Variants in DBT observed in about 807,000 individuals in gnomAD.
DBT encodes the protein dihydrolipoamide branched chain transacylase E2.
DBT carries 40 observed loss-of-function variants against 51.3 expected under a neutral mutation model. The ratio of observed to expected loss-of-function variants is 0.78; its 90% CI spans 0.61 to 1.02. The LOEUF is 1.02. Among genes scored for constraint, DBT ranks in the 50% least tolerant of loss-of-function variants. The pLI is 0.00. For synonymous variants in DBT, 181 were observed against 190.4 expected (o/e 0.95, Z 0.41); for missense variants, 510 against 580.2 (o/e 0.88, Z 1.24).
rs570526581 is a variant in DBT at position 100,227,393 on chromosome 1, A to C, written c.433+3340T>G. On this transcript the variant is annotated intron_variant, in intron 4 of 10. Transcript: ENST00000370132. ...TTCTTTCCAGTAAGAACTGTATTTCATACAGGTAGCATACAGATAGCCCCA... is the reference window on the plus strand; with the variant it reads ...TTCTTTCCAGTAAGAACTGTATTTCCTACAGGTAGCATACAGATAGCCCCA... 2.0e-5 allele frequency among the ~76,000 whole-genome samples: 3 copies of C among 152,172 alleles called. No homozygotes were observed. The South Asian group carries it at 6.2e-4, about 32-fold the overall frequency.
rs777868718 is a variant in DBT at position 100,206,543 on chromosome 1, C to T, written c.1111G>A (p.Ala371Thr). 7.5e-5 allele frequency: 121 copies of T among 1,611,476 alleles called. 1 individual carries two copies. The highest frequency in any genetic ancestry group is 6.8e-4 in the South Asian group (62 of 91,010). ...NVQICSIFDIATELNRLQKLG... is the reference protein window; with the variant it reads ...NVQICSIFDITTELNRLQKLG... The stretch of plus-strand genomic sequence containing the variant: ...TTCTGGAGGCGGTTCAGTTCAGTGG[C>T]GATGTCAAATATAGAGCAGATCTGA... The change falls in exon 9 of 11, where the codon GCC becomes ACC. Residue 371 changes from alanine to threonine, a missense_variant. Transcript: ENST00000370132.
intron 1 of DBT, among the ~76,000 whole-genome samples, chr1:100,246,248 C>G (rs768784428): frequency 1.3e-5 from 2 of 151,880 alleles, no homozygotes; most frequent in Non-Finnish European, 2.9e-5. Context: ...CAGAGTGAGA[C>G]GCCGTCTCAA....
At chr1:100,212,214 T>C (rs1326350271) in intron 7 of DBT, among the ~76,000 whole-genome samples, 1 of 152,228 alleles carries the variant, frequency 6.6e-6, no homozygotes, top group Non-Finnish European at 1.5e-5. Flanking sequence ...ATACAAGGTA[T>C]GTGTCAATGG....
intron 1 of DBT, 69 bp from the exon 2 acceptor site, chr1:100,240,953 T>C (rs1319621869): frequency 4.2e-6 from 6 of 1,436,524 alleles, no homozygotes; most frequent in East Asian, 2.3e-5. Flanking sequence ...TAAGTATAAA[T>C]TGAATTTCAA....
chr1:100,208,326 T>C (rs1570808497), intron 8 of DBT, among the ~76,000 whole-genome samples: 1 of 152,166 alleles, frequency 6.6e-6, no homozygotes, highest in East Asian at 1.9e-4. Flanking sequence ...TCCAAAAAAA[T>C]CTTAAATCCA....
chr1:100,230,564 A>G (rs942443107), intron 4 of DBT, among the ~76,000 whole-genome samples, 169 bp downstream of exon 4: 2 of 151,884 alleles, frequency 1.3e-5, no homozygotes, highest in Non-Finnish European at 2.9e-5. Flanking sequence ...TTTGTGTTGA[A>G]CTTGCTACCT....
chr1:100,232,838 A>G (rs1663623670), intron 3 of DBT, among the ~76,000 whole-genome samples: 1 of 152,232 alleles, frequency 6.6e-6, no homozygotes, highest in Non-Finnish European at 1.5e-5. Context: ...GAAGGAAGAG[A>G]CAATAGAGCT....
intron 10 of DBT, among the ~76,000 whole-genome samples, chr1:100,199,900 G>A (rs927341758): frequency 2.6e-5 from 4 of 152,128 alleles, no homozygotes; most frequent in Admixed American, 6.5e-5. Context: ...CTTTGCATCC[G>A]ACAGACCAGG....
intron 6 of DBT, 36 bp downstream of exon 6, chr1:100,215,947 A>C (rs745983667): frequency 8.0e-6 from 10 of 1,242,720 alleles, no homozygotes; most frequent in Non-Finnish European, 1.2e-5. Context: ...AAATAAATGA[A>C]CTATTGCCTT....
chr1:100,213,269 C>A, intron 7 of DBT: 1 of 1,332,758 alleles, frequency 7.5e-7, no homozygotes, highest in South Asian at 1.8e-5. Flanking sequence ...CCCGCCGGGG[C>A]CGACAGAGCC....
Position 100,188,448 on chromosome 1 carries a change from T to C in DBT, c.*7807A>G, listed in dbSNP as rs994205150. 6.6e-6 allele frequency: 1 copy of C among 152,194 alleles called. No individual in the cohort carries two copies. Among genetic ancestry groups the C allele is most frequent in the African/African-American group, 2.4e-5 (1 of 41,444 alleles). The allele number at this position is 152,194 out of a possible 1,614,324, so 9.4% of individuals were successfully genotyped here. ...ACTTTTTAGCACATCTTAGGAACTATTATGAAGTTTTCTCGCAGCACACTT... is the reference window on the plus strand; with the variant it reads ...ACTTTTTAGCACATCTTAGGAACTACTATGAAGTTTTCTCGCAGCACACTT... On this transcript the variant is annotated 3_prime_UTR_variant, in exon 11 of 11. Transcript: ENST00000370132.
intron 1 of DBT, among the ~76,000 whole-genome samples, chr1:100,245,761 T>C (rs1570853039): frequency 1.3e-5 from 2 of 151,620 alleles, no homozygotes; most frequent in Admixed American, 1.3e-4. Context: ...AAGACCATAC[T>C]GGGCAATGCA....
intron 10 of DBT, 106 bp from the exon 11 acceptor site, chr1:100,196,528 T>G (rs974112773): frequency 2.4e-5 from 32 of 1,340,522 alleles, no homozygotes; most frequent in Non-Finnish European, 3.0e-5. Context: ...AGGCAAACCC[T>G]TCTTCCTGTA....
At chr1:100,202,950 G>C (rs114378772) in intron 10 of DBT, among the ~76,000 whole-genome samples, 2 of 152,076 alleles carry the variant, frequency 1.3e-5, no homozygotes, top group African/African-American at 2.4e-5. Context: ...GAAATTTATA[G>C]CACTATAAAT....
chr1:100,214,898 T>A lies in DBT; in HGVS notation c.858A>T (p.Glu286Asp). Reference protein sequence around the residue: ...FGYCDEIDLTELVKLREELKP... With the variant: ...FGYCDEIDLTDLVKLREELKP... ...TTAATTCTTCTCGGAGCTTAACCAG[T>A]TCAGTAAGGTCAATCTCATCACAAT... Residue 286 changes from glutamate (E) to aspartate (D), a missense_variant, in exon 7 of 11, where the codon GAA becomes GAT. By Grantham distance (45) the Glu-to-Asp change is conservative. Transcript: ENST00000370132. The A allele has an allele frequency of 6.2e-7, 1 of 1,613,688 alleles. No individual in the cohort carries two copies. The highest frequency in any genetic ancestry group is 8.5e-7 in the Non-Finnish European group (1 of 1,179,604).
chr1:100,229,458 G>T (rs11166419), intron 4 of DBT, among the ~76,000 whole-genome samples: 1 of 152,074 alleles, frequency 6.6e-6, no homozygotes, highest in Non-Finnish European at 1.5e-5. Context: ...GAGCCACTGC[G>T]CCCAGCCTGT....
rs572438701 is a variant in DBT at position 100,194,452 on chromosome 1, C to T, written c.*1803G>A. The T allele has an allele frequency of 4.6e-5, 7 of 152,610 alleles. No individual in the cohort carries two copies. The highest frequency in any genetic ancestry group is 8.8e-5 in the Non-Finnish European group (6 of 68,382). The allele number at this position is 152,610 out of a possible 1,614,324, so 9.5% of individuals were successfully genotyped here. ...TCTTGGGCTCAAGCAATTCTCCTGC[C>T]TCAGCCTCCCAAGTAGCTGGGACTA... On this transcript the variant is annotated 3_prime_UTR_variant, in exon 11 of 11. Transcript: ENST00000370132.
intron 7 of DBT, chr1:100,213,419 T>TCCTA: frequency 6.3e-7 from 1 of 1,584,850 alleles, no homozygotes; most frequent in Non-Finnish European, 8.6e-7. Context: ...GCCGCCCTAC[T>TCCTA]CCTACCTCGT....
In DBT at chr1:100,195,365, T is replaced by C. The variant is rs918977492; in HGVS notation, c.*890A>G. 1 of 152,614 alleles carries C rather than the reference T, an allele frequency of 6.6e-6. No individual in the cohort carries two copies. Among genetic ancestry groups the C allele is most frequent in the Non-Finnish European group, 1.5e-5 (1 of 68,038 alleles). The allele number at this position is 152,614 out of a possible 1,614,324, so 9.5% of individuals were successfully genotyped here. ...TAATAGACTGGTTATAAAACTATAA[T>C]TGGACAATTTTAAGGCCAGTTTATA... On this transcript the variant is annotated 3_prime_UTR_variant, in exon 11 of 11. Coordinates refer to ENST00000370132, the MANE Select transcript of DBT (RefSeq NM_001918.5).
Sources: gnomAD v4.1 joint callset for allele counts (sites outside exome capture counted in the v4.1 genomes callset) on GRCh38, gnomAD v4.1.1 for gene constraint, MANE v1.5 for transcripts, NCBI Gene and HGNC (gene_info 2026-07-23, HGNC 2026-07-21) for gene names.